The following ANO5 variants were observed in gnomAD, a reference collection of about 807,000 sequenced individuals.
ANO5 encodes anoctamin 5, also known as anoctamin-5.
Under a neutral mutation model 121.0 loss-of-function variants are expected in ANO5, and 109 were observed. The ratio of observed to expected loss-of-function variants is 0.90; its 90% CI spans 0.77 to 1.06. The LOEUF (loss-of-function observed/expected upper bound fraction) is 1.06, where lower values mean the gene tolerates loss of function less well. Ranked by LOEUF, ANO5 falls within the 50% of genes least tolerant of loss-of-function variation. ANO5 has a pLI of 0.00. For synonymous variants in ANO5, 406 were observed against 359.9 expected (o/e 1.13, Z -1.45); for missense variants, 1,064 against 1,078.5 (o/e 0.99, Z 0.19).
rs1286557019 is a variant in ANO5, at chr11:22,227,551, G to T, written c.613G>T (p.Ala205Ser). The change falls in exon 7 of 22, where the codon GCA becomes TCA. Residue 205 changes from alanine to serine, a missense_variant. Ala to Ser is a moderately conservative substitution (Grantham distance 99, BLOSUM62 1). Coordinates refer to ENST00000324559, the MANE Select transcript of ANO5 (RefSeq NM_213599.3). ...RQELFLIEDQ[A>S]TFFPSSSRNR... is the part of the protein sequence containing the mutation. The stretch of plus-strand genomic sequence containing the variant: ...GGAGCTCTTCCTCATCGAAGATCAG[G>T]CAACCTTCTTTCCATCCTCATCAAG... 1 of 1,613,392 alleles carries T rather than the reference G, an allele frequency of 6.2e-7. No homozygotes were observed. The highest frequency in any genetic ancestry group is 2.2e-5 in the East Asian group (1 of 44,842).
intron 4 of ANO5, among the ~76,000 whole-genome samples, chr11:22,218,764 T>C (rs1191760934): frequency 6.6e-6 from 1 of 151,962 alleles, no homozygotes; most frequent in African/African-American, 2.4e-5. Flanking sequence ...GGTTTCACCA[T>C]GTTGTCCAGG....
intron 8 of ANO5, among the ~76,000 whole-genome samples, chr11:22,238,763 T>G (rs1191841904): frequency 2.0e-5 from 3 of 152,144 alleles, no homozygotes; most frequent in Non-Finnish European, 4.4e-5. Context: ...TTATTATACT[T>G]TAAGTTTTAG....
At chr11:22,269,526 G>T (rs1314364890) in intron 17 of ANO5, among the ~76,000 whole-genome samples, 1 of 113,250 alleles carries the variant, frequency 8.8e-6, no homozygotes, top group Non-Finnish European at 1.7e-5. Flanking sequence ...AGAAAAGGAA[G>T]GAAAGAAAAA....
At chr11:22,238,306 G>T (rs1310757338) in intron 8 of ANO5, among the ~76,000 whole-genome samples, 2 of 141,652 alleles carry the variant, frequency 1.4e-5, no homozygotes, top group African/African-American at 2.6e-5. Context: ...AAGATTTTGA[G>T]TTTTTTAAAA....
intron 18 of ANO5, among the ~76,000 whole-genome samples, chr11:22,271,932 C>T (rs1854630550): frequency 6.6e-6 from 1 of 151,812 alleles, no homozygotes; most frequent in Admixed American, 6.6e-5. Flanking sequence ...ATTTTTTTCA[C>T]TTGATAAGAC....
At position 22,250,384 on chromosome 11, in the gene ANO5, G is replaced by T; in HGVS notation, c.1013+13G>T. The T allele has an allele frequency of 6.2e-7, 1 of 1,613,258 alleles. No individual in the cohort carries two copies. The highest frequency in any genetic ancestry group is 1.1e-5 in the South Asian group (1 of 91,002). ...ATAACACAAGCAGGTAAGTGCACCT[G>T]AGTTGCCCAGATAGAGAAAACATCT... On this transcript the variant is annotated intron_variant, in intron 10 of 21. Coordinates refer to ENST00000324559, the MANE Select transcript of ANO5 (RefSeq NM_213599.3).
In ANO5 at chr11:22,239,449, A is replaced by G. The variant is rs1590265917; in HGVS notation, c.763-120A>G. ...TAATTTCACATCAATTGAATATGAAATCTAAAAGTAAAAGAAAACATACCC... is the reference window on the plus strand; with the variant it reads ...TAATTTCACATCAATTGAATATGAAGTCTAAAAGTAAAAGAAAACATACCC... On this transcript the variant is annotated intron_variant, in intron 8 of 21. Coordinates refer to ENST00000324559, the MANE Select transcript of ANO5 (RefSeq NM_213599.3). 5.1e-5 allele frequency: 37 copies of G among 726,186 alleles called. No individual in the cohort carries two copies. In the East Asian group the frequency reaches 9.3e-4, roughly 18 times the overall value. The allele number at this position is 726,186 out of a possible 1,614,324, so 45.0% of individuals were successfully genotyped here.
intron 9 of ANO5, among the ~76,000 whole-genome samples, chr11:22,244,683 C>T (rs2055333721): frequency 1.3e-5 from 2 of 151,324 alleles, no homozygotes; most frequent in African/African-American, 4.9e-5. Context: ...GTTAATGCTT[C>T]CTGTTGTATT....
At chr11:22,259,476 G>C (rs368588064) in intron 14 of ANO5, 43 bp from the exon 15 acceptor site, 33 of 1,529,878 alleles carry the variant, frequency 2.2e-5, no homozygotes, top group African/African-American at 1.4e-4. Context: ...TCATAACAGA[G>C]ATACAGAGAC....
Position 22,227,294 on chromosome 11 carries a change from T to TA in ANO5, c.364-6dup, listed in dbSNP as rs2133611269. ...GCTTTCTGCTGTTTTGCCTTTTTTT[T>TA]AATGCAGGACTCGGAAGATGGAAGA... On this transcript the variant is annotated splice_region_variant and splice_polypyrimidine_tract_variant and intron_variant, in intron 6 of 21. Transcript: ENST00000324559. 6.2e-7 allele frequency: 1 copy of TA among 1,612,394 alleles called. No individual in the cohort carries two copies.
At chr11:22,230,298 GT>G (rs1288981852) in intron 7 of ANO5, among the ~76,000 whole-genome samples, 1 of 151,870 alleles carries the variant, frequency 6.6e-6, no homozygotes, top group African/African-American at 2.4e-5. Flanking sequence ...AATCATTTTA[GT>G]TACAATGTCC....
intron 3 of ANO5, among the ~76,000 whole-genome samples, chr11:22,213,891 TTTTTGTTTTGTTTTG>T (rs59952448): frequency 6.7e-6 from 1 of 148,380 alleles, no homozygotes; most frequent in East Asian, 2.0e-4. Context: ...GGTGTTTTGT[TTTTTGTTTTGTTTTG>T]TTTTGTTTTG....
At position 22,279,620 on chromosome 11, in the gene ANO5, A is replaced by G. The variant is rs1182692832; in HGVS notation, c.2597A>G (p.Lys866Arg). 6.2e-7 allele frequency: 1 copy of G among 1,612,970 alleles called. No individual in the cohort carries two copies. The highest frequency in any genetic ancestry group is 1.3e-5 in the African/African-American group (1 of 74,896). Residue 866 changes from lysine (K) to arginine (R), a missense_variant, in exon 22 of 22, where the codon AAG becomes AGG. Physicochemically the swap from Lys to Arg is conservative, Grantham distance 26. Transcript: ENST00000324559. ...CCAAAAGATGTTGTGGAGAGAATCA[A>G]GAGAGAAAAGTTAATGACTATCAAG... is the stretch of plus-strand genomic sequence containing the variant. ...DVPKDVVERI[K>R]REKLMTIKIL...
chr11:22,212,687 C>A lies in ANO5; in HGVS notation c.138+1373C>A, dbSNP rs76061224. Among the ~76,000 whole-genome samples the A allele has an allele frequency of 2.0e-4, 30 of 151,916 alleles. No homozygotes were observed. In the East Asian group the frequency reaches 5.4e-3, roughly 28 times the overall value. On this transcript the variant is annotated intron_variant, in intron 3 of 21. Transcript: ENST00000324559. ...GGAGGTATTTCACTTGGCACAGTAT[C>A]TTAGTATCATTTAAAATTGCATTTC... is the stretch of plus-strand genomic sequence containing the variant.
At chr11:22,264,108 C>G (rs1854283953) in intron 17 of ANO5, among the ~76,000 whole-genome samples, 1 of 149,418 alleles carries the variant, frequency 6.7e-6, no homozygotes, top group Admixed American at 6.7e-5. Context: ...ACTGCAACCT[C>G]CACCTCCTGG....
At chr11:22,206,710 A>G (rs76429161) in intron 2 of ANO5, among the ~76,000 whole-genome samples, 1,685 of 152,224 alleles carry the variant, frequency 0.011, 44 homozygotes, top group African/African-American at 0.039. Context: ...TCAAAATTTA[A>G]CTTCCATTTA....
Position 22,250,257 on chromosome 11 carries a change from T to C in ANO5, c.899T>C (p.Ile300Thr), listed in dbSNP as rs886044659. ...CACAGGAATTATTATGGAGAAAAAA[T>C]TGGTATCTATTTTGTCTTTCTTGGA... Reference protein sequence around the residue: ...DLIKNYYGEKIGIYFVFLGFY... With the variant: ...DLIKNYYGEKTGIYFVFLGFY... Residue 300 changes from isoleucine (I) to threonine (T), a missense_variant, in exon 10 of 22, where the codon ATT becomes ACT. Physicochemically the swap from Ile to Thr is moderately conservative, Grantham distance 89. Transcript: ENST00000324559. 6.3e-7 allele frequency: 1 copy of C among 1,593,194 alleles called. No individual in the cohort carries two copies. Among genetic ancestry groups the C allele is most frequent in the South Asian group, 1.1e-5 (1 of 90,500 alleles).
intron 17 of ANO5, among the ~76,000 whole-genome samples, chr11:22,269,948 T>C (rs1470204598): frequency 6.6e-6 from 1 of 152,234 alleles, no homozygotes; most frequent in Non-Finnish European, 1.5e-5. Flanking sequence ...GTCAATTTCA[T>C]ATTTGTTTGA....
At chr11:22,216,575 A>C (rs1365393311) in intron 3 of ANO5, among the ~76,000 whole-genome samples, 1 of 151,826 alleles carries the variant, frequency 6.6e-6, no homozygotes, top group Non-Finnish European at 1.5e-5. Flanking sequence ...AGAGTTGTTT[A>C]TGTATTCTGG....
Sources: allele counts gnomAD v4.1 joint callset (sites outside exome capture counted in the v4.1 genomes callset), GRCh38; gene constraint gnomAD v4.1.1; transcripts MANE v1.5; gene names NCBI Gene and HGNC (gene_info 2026-07-23, HGNC 2026-07-21).